Variants in TTC6 observed in about 807,000 individuals in gnomAD.
The protein encoded by TTC6 is tetratricopeptide repeat protein 6.
In TTC6, 172 loss-of-function variants were observed where a neutral mutation model predicts 210.4. The ratio of observed to expected loss-of-function variants is 0.82; its 90% CI spans 0.72 to 0.93. The LOEUF is 0.93. Among genes scored for constraint, TTC6 ranks in the 40% least tolerant of loss-of-function variants. TTC6 has a pLI of 0.00. For synonymous variants in TTC6, 804 were observed against 819.6 expected, an observed-to-expected ratio of 0.98 and a Z score of 0.32; for missense variants, 2,414 against 2,318.1, an observed-to-expected ratio of 1.04 and a Z score of -0.85.
At chr14:37,625,307 G>A (rs2139313056) in intron 1 of TTC6, among the ~76,000 whole-genome samples, 1 of 152,200 alleles carries the variant, frequency 6.6e-6, no homozygotes, top group East Asian at 2.0e-4. Context: ...CAGCACTTTG[G>A]GAGGCTGAGG....
chr14:37,685,633 C>T (rs1398543331), intron 3 of TTC6, among the ~76,000 whole-genome samples: 1 of 152,102 alleles, frequency 6.6e-6, no homozygotes, highest in African/African-American at 2.4e-5. Flanking sequence ...TTAAATCTGA[C>T]AGGGAGAATG....
intron 1 of TTC6, among the ~76,000 whole-genome samples, chr14:37,606,094 G>A (rs1439016333): frequency 1.3e-5 from 2 of 152,116 alleles, no homozygotes; most frequent in Non-Finnish European, 2.9e-5. Context: ...AAGCTTGGCA[G>A]ATGTTAATTA....
intron 27 of TTC6, 135 bp downstream of exon 29, chr14:37,824,092 G>A: frequency 1.2e-6 from 1 of 847,766 alleles, no homozygotes; most frequent in Non-Finnish European, 1.8e-6. Context: ...TTAGGTTCCA[G>A]AGTAGCAGTG....
intron 1 of TTC6, among the ~76,000 whole-genome samples, chr14:37,605,110 A>T (rs554154800): frequency 1.4e-4 from 22 of 152,222 alleles, no homozygotes; most frequent in Non-Finnish European, 3.1e-4. Flanking sequence ...TAAGACAGAC[A>T]ATATAGTCTG....
chr14:37,731,097 T>C (rs1427753549), intron 7 of TTC6, among the ~76,000 whole-genome samples: 1 of 152,232 alleles, frequency 6.6e-6, no homozygotes, highest in African/African-American at 2.4e-5. Flanking sequence ...TTAGTTGATA[T>C]TGAACTGTTG....
chr14:37,779,149 C>A (rs1168520913), intron 14 of TTC6, among the ~76,000 whole-genome samples: 1 of 152,160 alleles, frequency 6.6e-6, no homozygotes, highest in Non-Finnish European at 1.5e-5. Context: ...CTCATCCTTT[C>A]CCCAGGAGTC....
At chr14:37,619,018 T>G (rs953050730), upstream of TTC6, among the ~76,000 whole-genome samples, 1 of 152,196 alleles carries the variant, frequency 6.6e-6, no homozygotes, top group East Asian at 1.9e-4. Flanking sequence ...AGTGTTGATA[T>G]GAACATATTG....
chr14:37,822,624 C>T (rs1320010176), intron 26 of TTC6, among the ~76,000 whole-genome samples: 1 of 152,172 alleles, frequency 6.6e-6, no homozygotes, highest in South Asian at 2.1e-4. Context: ...TTTGCATGTT[C>T]AGGCTCAAAT....
intron 5 of TTC6, among the ~76,000 whole-genome samples, chr14:37,713,102 C>T (rs1043517930): frequency 6.6e-6 from 1 of 152,152 alleles, no homozygotes; most frequent in Non-Finnish European, 1.5e-5. Context: ...TTTACTGTCA[C>T]AGCTTTGGAC....
intron 14 of TTC6, among the ~76,000 whole-genome samples, chr14:37,785,555 G>C (rs1005578053): frequency 5.3e-5 from 8 of 152,074 alleles, no homozygotes; most frequent in Admixed American, 1.3e-4. Flanking sequence ...CTTTGCTTTG[G>C]GTTTGAATAT....
intron 2 of TTC6, among the ~76,000 whole-genome samples, chr14:37,681,636 C>A (rs1957588): frequency 6.6e-6 from 1 of 151,742 alleles, no homozygotes; most frequent in African/African-American, 2.4e-5. Context: ...ATCCATCCCC[C>A]CTGCCCTCAG....
intron 7 of TTC6, among the ~76,000 whole-genome samples, chr14:37,728,074 A>T (rs1036804160): frequency 6.6e-6 from 1 of 152,116 alleles, no homozygotes; most frequent in African/African-American, 2.4e-5. Context: ...AACCTCATGA[A>T]GTCTCAGTTT....
chr14:37,757,591 G>A (rs2415411), intron 14 of TTC6, among the ~76,000 whole-genome samples: 35,163 of 151,854 alleles, frequency 0.23, 4,907 homozygotes, highest in Non-Finnish European at 0.3. Flanking sequence ...TATTAATCTA[G>A]CTAGAGATCC....
intron 26 of TTC6, among the ~76,000 whole-genome samples, chr14:37,818,062 G>T (rs2096146458): frequency 6.6e-6 from 1 of 151,844 alleles, no homozygotes. Context: ...TGGAAGAAAG[G>T]GTGATTTTTA....
chr14:37,711,799 A>C (rs1019236537), intron 5 of TTC6, among the ~76,000 whole-genome samples: 1 of 152,098 alleles, frequency 6.6e-6, no homozygotes, highest in Non-Finnish European at 1.5e-5. Context: ...GTAAGGGACC[A>C]GCAAAGATGA....
At chr14:37,622,522 C>T in exon 1 of TTC6, 1 of 1,535,172 alleles carries the variant, frequency 6.5e-7, no homozygotes. Context: ...GTCCTGCTGC[C>T]TCCGCCCGAG....
chr14:37,719,984 A>G (rs934851028), intron 6 of TTC6, among the ~76,000 whole-genome samples: 1 of 152,178 alleles, frequency 6.6e-6, no homozygotes, highest in South Asian at 2.1e-4. Context: ...TACATAATGA[A>G]TTTTCAAAAC....
At chr14:37,744,214 C>G (rs2095929290) in intron 10 of TTC6, among the ~76,000 whole-genome samples, 1 of 152,196 alleles carries the variant, frequency 6.6e-6, no homozygotes, top group South Asian at 2.1e-4. Flanking sequence ...TTGAGCACTA[C>G]TCAGCAGTAC....
chr14:37,666,340 T>G lies in TTC6; in HGVS notation c.940-13811T>G, dbSNP rs539805724. On this transcript the variant is annotated intron_variant, in intron 1 of 30. Coordinates refer to ENST00000553443, the Ensembl canonical transcript of TTC6. ...TTAAAAAAGTTGAAAGTGGCCAGGC[T>G]CAGTGGCTTACACTGTAATCCCGGC... Among the ~76,000 whole-genome samples the G allele has an allele frequency of 2.7e-5, 4 of 149,426 alleles. No homozygotes were observed. The East Asian group carries it at 7.8e-4, about 29-fold the overall frequency.
Sources: gnomAD v4.1 joint callset for allele counts (sites outside exome capture counted in the v4.1 genomes callset) on GRCh38, gnomAD v4.1.1 for gene constraint, MANE v1.5 for transcripts, NCBI Gene and HGNC (gene_info 2026-07-23, HGNC 2026-07-21) for gene names.